CYSTM1: variants seen among roughly 807,000 people sequenced by gnomAD.
CYSTM1 encodes cysteine-rich transmembrane module-containing protein 1.
Under a neutral mutation model 13.1 loss-of-function variants are expected in CYSTM1, and 4 were observed. The ratio of observed to expected loss-of-function variants is 0.31; its 90% CI spans 0.15 to 0.70. The LOEUF is 0.70. CYSTM1 is among the 30% of genes least tolerant of loss of function. CYSTM1 has a pLI of 0.72. For missense variants in CYSTM1, 96 were observed against 121.6 expected (o/e 0.79, Z 0.99); for synonymous variants, 36 against 42.7 (o/e 0.84, Z 0.62).
chr5:140,229,242 T>C (rs901495270), intron 2 of CYSTM1, among the ~76,000 whole-genome samples: 16 of 152,218 alleles, frequency 1.1e-4, no homozygotes, highest in African/African-American at 3.9e-4. Context: ...TTACCCAGGC[T>C]GGAGTGCAGT....
Position 140,184,459 on chromosome 5 carries a change from C to T in CYSTM1, c.-21+9174C>T, listed in dbSNP as rs569387440. Among the ~76,000 whole-genome samples the T allele has an allele frequency of 2.8e-4, 42 of 150,798 alleles. No homozygotes were observed. The South Asian group carries it at 5.6e-3, about 20-fold the overall frequency. On this transcript the variant is annotated intron_variant, in intron 1 of 2. Coordinates refer to ENST00000261811, the MANE Select transcript of CYSTM1 (RefSeq NM_032412.4). The stretch of plus-strand genomic sequence containing the variant: ...ATAAATTCCTAAAGGTAGAATTGCT[C>T]GTTCAAAGGATAGGGTGTTTTTATG...
At chr5:140,216,066 C>T (rs975123664) in intron 2 of CYSTM1, among the ~76,000 whole-genome samples, 2 of 151,976 alleles carry the variant, frequency 1.3e-5, no homozygotes, top group Non-Finnish European at 2.9e-5. Flanking sequence ...CACTTGAGCC[C>T]AGGAGGTCAA....
At chr5:140,228,466 G>A (rs1470070014) in intron 2 of CYSTM1, among the ~76,000 whole-genome samples, 8 of 152,184 alleles carry the variant, frequency 5.3e-5, no homozygotes, top group African/African-American at 1.4e-4. Flanking sequence ...ATAAAGTACT[G>A]GGTTGGGTTT....
chr5:140,192,811 C>T (rs925283252), intron 1 of CYSTM1, among the ~76,000 whole-genome samples: 1 of 152,156 alleles, frequency 6.6e-6, no homozygotes, highest in African/African-American at 2.4e-5. Flanking sequence ...AGAGTGACCC[C>T]GATTGGCTTA....
At chr5:140,240,770 G>A (rs1290277680) in intron 2 of CYSTM1, among the ~76,000 whole-genome samples, 1 of 152,090 alleles carries the variant, frequency 6.6e-6, no homozygotes, top group Non-Finnish European at 1.5e-5. Flanking sequence ...AACTGTGAGG[G>A]CTGCCTTGGG....
intron 2 of CYSTM1, among the ~76,000 whole-genome samples, chr5:140,207,918 T>C (rs758574571): frequency 2.6e-5 from 4 of 152,190 alleles, no homozygotes; most frequent in Non-Finnish European, 5.9e-5. Context: ...ACTTAAAGAA[T>C]TAAGGTCTTC....
chr5:140,205,641 C>T (rs947664362), intron 2 of CYSTM1, among the ~76,000 whole-genome samples: 3 of 152,004 alleles, frequency 2.0e-5, no homozygotes, highest in South Asian at 2.1e-4. Flanking sequence ...GCTGGGATTA[C>T]GGGATTGTGA....
intron 2 of CYSTM1, among the ~76,000 whole-genome samples, chr5:140,237,086 G>A (rs548735309): frequency 2.6e-3 from 392 of 152,060 alleles, no homozygotes; most frequent in African/African-American, 9.0e-3. Context: ...ACCCTCATGT[G>A]GAAAGTGGAA....
At chr5:140,234,646 C>G (rs1404395883) in intron 2 of CYSTM1, among the ~76,000 whole-genome samples, 1 of 152,120 alleles carries the variant, frequency 6.6e-6, no homozygotes, top group South Asian at 2.1e-4. Flanking sequence ...TGGAAGTTGG[C>G]AGTAAATGAG....
chr5:140,217,846 G>GT (rs1764446657), intron 2 of CYSTM1, among the ~76,000 whole-genome samples: 1 of 152,152 alleles, frequency 6.6e-6, no homozygotes, highest in African/African-American at 2.4e-5. Flanking sequence ...CATTTAGTGT[G>GT]CCAGGCCTAC....
At chr5:140,241,297 G>A (rs1764745590) in intron 2 of CYSTM1, among the ~76,000 whole-genome samples, 2 of 152,252 alleles carry the variant, frequency 1.3e-5, no homozygotes, top group African/African-American at 2.4e-5. Context: ...TGTCTCTGGA[G>A]GCTGGGGAGA....
intron 2 of CYSTM1, among the ~76,000 whole-genome samples, chr5:140,211,058 G>T (rs1359683379): frequency 6.6e-6 from 1 of 152,176 alleles, no homozygotes; most frequent in Non-Finnish European, 1.5e-5. Flanking sequence ...AAAACCACCA[G>T]AACCAGAAGA....
At chr5:140,176,843 A>G (rs2436392) in intron 1 of CYSTM1, among the ~76,000 whole-genome samples, 117,246 of 151,570 alleles carry the variant, frequency 0.77, 45,793 homozygotes, top group African/African-American at 0.86. Context: ...GCCGAGGCGG[A>G]CGGATCACGA....
chr5:140,205,492 G>T (rs1205043910), intron 2 of CYSTM1, among the ~76,000 whole-genome samples: 1 of 152,118 alleles, frequency 6.6e-6, no homozygotes, highest in African/African-American at 2.4e-5. Flanking sequence ...GACCAGTCCA[G>T]TGCCTTCTTT....
At chr5:140,212,733 A>G (rs1764382942) in intron 2 of CYSTM1, among the ~76,000 whole-genome samples, 1 of 152,110 alleles carries the variant, frequency 6.6e-6, no homozygotes, top group African/African-American at 2.4e-5. Flanking sequence ...TTGGGAGGCC[A>G]GAGTGAGTGG....
At chr5:140,220,713 C>T (rs955728443) in intron 2 of CYSTM1, among the ~76,000 whole-genome samples, 1 of 152,070 alleles carries the variant, frequency 6.6e-6, no homozygotes, top group Non-Finnish European at 1.5e-5. Context: ...CTTCTTTCTC[C>T]TTCAGCACAT....
At chr5:140,204,715 A>G (rs1246836729) in intron 2 of CYSTM1, among the ~76,000 whole-genome samples, 1 of 152,114 alleles carries the variant, frequency 6.6e-6, no homozygotes, top group African/African-American at 2.4e-5. Flanking sequence ...TATGCTTCTC[A>G]AAGACGTTTT....
chr5:140,224,923 T>G (rs1325632161), intron 2 of CYSTM1, among the ~76,000 whole-genome samples: 1 of 152,210 alleles, frequency 6.6e-6, no homozygotes. Context: ...GGCTCATGCC[T>G]GTAATCCCAG....
At chr5:140,227,480 C>T (rs183232646) in intron 2 of CYSTM1, among the ~76,000 whole-genome samples, 29 of 152,286 alleles carry the variant, frequency 1.9e-4, no homozygotes, top group East Asian at 1.5e-3. Context: ...TCAGAGGCTG[C>T]AGGGCCTGAG....
Sources: gnomAD v4.1 joint callset for allele counts (sites outside exome capture counted in the v4.1 genomes callset) on GRCh38, gnomAD v4.1.1 for gene constraint, MANE v1.5 for transcripts, NCBI Gene and HGNC (gene_info 2026-07-23, HGNC 2026-07-21) for gene names.